ABHD17C: variants seen among roughly 807,000 people sequenced by gnomAD.
The protein encoded by ABHD17C is abhydrolase domain containing 17C, depalmitoylase, also known as alpha/beta hydrolase domain-containing protein 17C.
In ABHD17C, 11 loss-of-function variants were observed where a neutral mutation model predicts 27.9. The ratio of observed to expected loss-of-function variants is 0.39; its 90% CI spans 0.25 to 0.65. The LOEUF (loss-of-function observed/expected upper bound fraction) is 0.65, where lower values mean the gene tolerates loss of function less well. ABHD17C is among the 30% of genes least tolerant of loss of function. The probability of loss-of-function intolerance (pLI) is 0.45; values close to 1 mark genes in which losing one functional copy is unlikely to be tolerated. For synonymous variants in ABHD17C, 233 were observed against 209.1 expected, an observed-to-expected ratio of 1.11 and a Z score of -0.98; for missense variants, 280 against 470.2, an observed-to-expected ratio of 0.60 and a Z score of 3.74.
intron 1 of ABHD17C, among the ~76,000 whole-genome samples, chr15:80,734,587 A>G (rs912748978): frequency 1.1e-4 from 16 of 152,298 alleles, no homozygotes; most frequent in African/African-American, 3.6e-4. Flanking sequence ...ATGGAAGATA[A>G]AATTTTTTAA....
chr15:80,708,223 T>C (rs1209026166), intron 1 of ABHD17C, among the ~76,000 whole-genome samples: 3 of 152,220 alleles, frequency 2.0e-5, no homozygotes, highest in African/African-American at 7.2e-5. Flanking sequence ...TTCTTTATTC[T>C]AGGCTCTTGA....
intron 1 of ABHD17C, among the ~76,000 whole-genome samples, chr15:80,719,834 A>G (rs1054195019): frequency 7.9e-5 from 12 of 152,124 alleles, no homozygotes; most frequent in Admixed American, 2.0e-4. Flanking sequence ...GTCTTGTTCT[A>G]TCGCTCAGGA....
chr15:80,703,574 T>A (rs1004557090), intron 1 of ABHD17C: 8 of 152,260 alleles, frequency 5.3e-5, no homozygotes, highest in Non-Finnish European at 1.0e-4. Flanking sequence ...GTACAGTGGA[T>A]CTCCACCTTA....
intron 1 of ABHD17C, among the ~76,000 whole-genome samples, chr15:80,723,843 G>A (rs549963803): frequency 6.6e-5 from 10 of 152,260 alleles, no homozygotes; most frequent in East Asian, 1.9e-4. Context: ...TGAGGTGAAC[G>A]GGGTGCTTGC....
In ABHD17C at chr15:80,695,967, GAGA is replaced by G; in HGVS notation, c.543_545del (p.Lys181del). The stretch of plus-strand genomic sequence containing the variant: ...CGGCGTCAGCTCGGGCAAGCCCTCC[GAGA>G]AGAACCTCTACGCCGACATCGACGC... On this transcript the variant is annotated inframe_deletion, in exon 1 of 3. Transcript: ENST00000258884. This position sits in a 1 kb window ranked among gnomAD's most constrained non-coding sequence, Gnocchi z 4.3. The G allele has an allele frequency of 6.3e-7, 1 of 1,592,932 alleles. No individual in the cohort carries two copies. Among genetic ancestry groups the G allele is most frequent in the Non-Finnish European group, 8.5e-7 (1 of 1,177,350 alleles).
intron 1 of ABHD17C, among the ~76,000 whole-genome samples, chr15:80,713,939 C>T (rs200593082): frequency 6.9e-6 from 1 of 145,102 alleles, no homozygotes; most frequent in African/African-American, 2.6e-5. Context: ...CACACACACA[C>T]ATATATTTAT....
intron 1 of ABHD17C, among the ~76,000 whole-genome samples, chr15:80,708,570 G>A (rs1894681233): frequency 6.6e-6 from 1 of 152,150 alleles, no homozygotes; most frequent in Non-Finnish European, 1.5e-5. Flanking sequence ...TCCCGCCTCA[G>A]CCTCCGAAAG....
At chr15:80,712,147 C>T (rs1415301580) in intron 1 of ABHD17C, among the ~76,000 whole-genome samples, 2 of 152,178 alleles carry the variant, frequency 1.3e-5, no homozygotes, top group African/African-American at 4.8e-5. Flanking sequence ...ATGACTGTAC[C>T]TGGACTCCTC....
At chr15:80,722,571 AG>A (rs1433725564) in intron 1 of ABHD17C, among the ~76,000 whole-genome samples, 1 of 151,734 alleles carries the variant, frequency 6.6e-6, no homozygotes, top group African/African-American at 2.4e-5. Context: ...TTTTGTGGTA[AG>A]AGCACTTTAC....
chr15:80,695,389 A>G lies in ABHD17C; in HGVS notation c.-41A>G. ...CTCCGTCCTCCCGGGCCAGCCAGCC[A>G]GCCAGCCAGCCGGGCCGGCGGCGGG... is the stretch of plus-strand genomic sequence containing the variant. On this transcript the variant is annotated 5_prime_UTR_variant, in exon 1 of 3. Transcript: ENST00000258884. The surrounding 1 kb of genome is among the most constrained non-coding windows in gnomAD (Gnocchi z 4.3). 4.3e-6 allele frequency: 5 copies of G among 1,166,220 alleles called. No individual in the cohort carries two copies. Among genetic ancestry groups the G allele is most frequent in the Non-Finnish European group, 5.3e-6 (5 of 936,010 alleles). 72.2% of individuals were successfully genotyped at this position (1,166,220 alleles called of 1,614,324 possible). A position where few individuals can be genotyped will look rare whatever the true frequency, so the allele number is the denominator to read the frequency against.
At chr15:80,728,202 G>C (rs554692546) in intron 1 of ABHD17C, among the ~76,000 whole-genome samples, 2 of 152,316 alleles carry the variant, frequency 1.3e-5, no homozygotes, top group Admixed American at 1.3e-4. Flanking sequence ...TGTGCCACGT[G>C]CCTTCTAATA....
chr15:80,717,229 C>CCTCT (rs1894815318), intron 1 of ABHD17C, among the ~76,000 whole-genome samples: 1 of 142,276 alleles, frequency 7.0e-6, no homozygotes. Context: ...CTCTATCAGC[C>CCTCT]AGAGGCCAGT....
Position 80,754,977 on chromosome 15 carries a change from G to A in ABHD17C, c.*607G>A, listed in dbSNP as rs1433421429. On this transcript the variant is annotated 3_prime_UTR_variant, in exon 3 of 3. Coordinates refer to ENST00000258884, the MANE Select transcript of ABHD17C (RefSeq NM_021214.2). ...TATTCTTAAACAAAAAGAAACTAGGGGTTTTTTTAAGTGTAAATTTATTAC... is the reference window on the plus strand; with the variant it reads ...TATTCTTAAACAAAAAGAAACTAGGAGTTTTTTTAAGTGTAAATTTATTAC... 2 of 151,940 alleles carry A rather than the reference G, an allele frequency of 1.3e-5. No individual in the cohort carries two copies. The highest frequency in any genetic ancestry group is 2.9e-5 in the Non-Finnish European group (2 of 67,992). The allele number at this position is 151,940 out of a possible 1,614,324, so 9.4% of individuals were successfully genotyped here.
intron 1 of ABHD17C, among the ~76,000 whole-genome samples, chr15:80,705,536 C>T (rs1410615385): frequency 6.6e-6 from 1 of 152,110 alleles, no homozygotes; most frequent in African/African-American, 2.4e-5. Context: ...GTGCTTTCCA[C>T]ATAGTAAGAG....
chr15:80,715,821 G>T (rs1187528790), intron 1 of ABHD17C, among the ~76,000 whole-genome samples: 2 of 152,192 alleles, frequency 1.3e-5, no homozygotes, highest in Middle Eastern at 3.4e-3. Flanking sequence ...GTTGCCATTA[G>T]TAGTCATTTT....
intron 1 of ABHD17C, among the ~76,000 whole-genome samples, chr15:80,735,295 A>G (rs927619257): frequency 6.6e-6 from 1 of 152,176 alleles, no homozygotes; most frequent in African/African-American, 2.4e-5. Context: ...GAAACAGACA[A>G]AAATCCAACT....
intron 1 of ABHD17C, among the ~76,000 whole-genome samples, chr15:80,698,348 G>C (rs937519757): frequency 1.2e-4 from 18 of 152,120 alleles, no homozygotes; most frequent in African/African-American, 4.3e-4. Context: ...ACAGGCGTGA[G>C]CCACCGCGCC....
At chr15:80,700,952 T>C (rs1894563265) in intron 1 of ABHD17C, among the ~76,000 whole-genome samples, 1 of 152,230 alleles carries the variant, frequency 6.6e-6, no homozygotes, top group Admixed American at 6.5e-5. Flanking sequence ...CATTTATTTA[T>C]GCTCTGCTTG....
At chr15:80,748,358 G>A (rs1179043460) in intron 1 of ABHD17C, among the ~76,000 whole-genome samples, 1 of 152,146 alleles carries the variant, frequency 6.6e-6, no homozygotes, top group Non-Finnish European at 1.5e-5. Context: ...AGATAATGTT[G>A]AATTGTTTTC....
Sources: gnomAD v4.1 joint callset for allele counts (sites outside exome capture counted in the v4.1 genomes callset) on GRCh38, gnomAD v4.1.1 for gene constraint, Gnocchi (gnomAD v3.1) non-coding constraint, MANE v1.5 for transcripts, NCBI Gene and HGNC (gene_info 2026-07-23, HGNC 2026-07-21) for gene names.